The following EVC2 variants were observed in gnomAD, a reference collection of about 807,000 sequenced individuals.
EVC2 encodes the protein limbin.
EVC2 carries 148 observed loss-of-function variants against 149.3 expected under a neutral mutation model. That is an observed-to-expected ratio of 0.99 (90% CI 0.87 to 1.14). The LOEUF (loss-of-function observed/expected upper bound fraction) is 1.14. EVC2 is among the 50% of genes most tolerant of loss of function. The pLI is 0.00. For missense variants in EVC2, 1,854 were observed against 1,627.3 expected (o/e 1.14, Z -2.40); for synonymous variants, 776 against 649.9 (o/e 1.19, Z -2.95).
intron 7 of EVC2, among the ~76,000 whole-genome samples, chr4:5,672,885 C>T (rs1401530766): frequency 2.6e-5 from 4 of 152,258 alleles, no homozygotes; most frequent in South Asian, 4.1e-4. Flanking sequence ...AAGTGAAAGA[C>T]GCCAGACACA....
At chr4:5,704,004 C>G (rs1057137650) in intron 1 of EVC2, among the ~76,000 whole-genome samples, 1 of 152,040 alleles carries the variant, frequency 6.6e-6, no homozygotes, top group African/African-American at 2.4e-5. Context: ...CCAGGGTGTT[C>G]AAGGAACACA....
At chr4:5,643,066 T>C (rs950049684) in intron 9 of EVC2, among the ~76,000 whole-genome samples, 3 of 152,218 alleles carry the variant, frequency 2.0e-5, no homozygotes, top group African/African-American at 7.2e-5. Context: ...TACATGAATA[T>C]GTACATGCAT....
chr4:5,638,935 A>G (rs1717101643), intron 10 of EVC2, among the ~76,000 whole-genome samples: 1 of 152,118 alleles, frequency 6.6e-6, no homozygotes, highest in Non-Finnish European at 1.5e-5. Context: ...TAACAGAAAA[A>G]AATTCTGTTG....
chr4:5,629,701 C>A (rs555157691), intron 11 of EVC2, among the ~76,000 whole-genome samples: 21 of 152,224 alleles, frequency 1.4e-4, no homozygotes, highest in Non-Finnish European at 2.2e-4. Flanking sequence ...CAGTGAAAAG[C>A]TGCATGGCCA....
chr4:5,623,330 A>T (rs889334726), intron 13 of EVC2, among the ~76,000 whole-genome samples: 2 of 147,400 alleles, frequency 1.4e-5, no homozygotes, highest in African/African-American at 2.5e-5. Context: ...AATTTATTTT[A>T]TTTATTTATT....
intron 9 of EVC2, 97 bp downstream of exon 9, chr4:5,663,010 C>A: frequency 6.7e-7 from 1 of 1,499,014 alleles, no homozygotes; most frequent in South Asian, 1.1e-5. Context: ...AAATGATTAA[C>A]TGAATGAATG....
At chr4:5,620,027 C>T (rs1182306720) in intron 14 of EVC2, among the ~76,000 whole-genome samples, 1 of 152,136 alleles carries the variant, frequency 6.6e-6, no homozygotes, top group Non-Finnish European at 1.5e-5. Flanking sequence ...TGTGGATCTG[C>T]TAGAAAGGTC....
chr4:5,603,226 G>A (rs887755771), intron 16 of EVC2, among the ~76,000 whole-genome samples: 1 of 152,186 alleles, frequency 6.6e-6, no homozygotes, highest in African/African-American at 2.4e-5. Flanking sequence ...GCCAAGCTCA[G>A]GAATCTGAAT....
intron 1 of EVC2, among the ~76,000 whole-genome samples, chr4:5,706,836 A>C (rs1278301624): frequency 6.6e-6 from 1 of 152,122 alleles, no homozygotes; most frequent in Non-Finnish European, 1.5e-5. Context: ...GGGCACCTGA[A>C]TACAGGTGCT....
intron 10 of EVC2, among the ~76,000 whole-genome samples, chr4:5,635,795 C>A (rs1033247559): frequency 1.3e-5 from 2 of 152,166 alleles, no homozygotes; most frequent in Admixed American, 6.5e-5. Context: ...ATCTGCTGGG[C>A]CTCCTCTTTC....
intron 6 of EVC2, among the ~76,000 whole-genome samples, chr4:5,682,346 T>C (rs113170359): frequency 0.099 from 14,867 of 150,514 alleles, 996 homozygotes; most frequent in Non-Finnish European, 0.14. Flanking sequence ...AAAAATTAGC[T>C]GGGTGTGGTG....
At chr4:5,693,077 C>A (rs903600574) in intron 3 of EVC2, among the ~76,000 whole-genome samples, 1 of 152,120 alleles carries the variant, frequency 6.6e-6, no homozygotes, top group African/African-American at 2.4e-5. Context: ...CTGGCTTTCT[C>A]TTCTGACCTT....
chr4:5,584,767 C>T lies in EVC2; in HGVS notation c.2913G>A (p.Gln971=), dbSNP rs1406133869. ...CGGTCACCCGGGACGCCTTCTGGAA[C>T]TGCAGAGCAACAAGCGACTGTGCAA... ...GGFAQSLVAL[Q]FQKASRVTET... is the part of the protein sequence containing the mutation. The change falls in exon 17 of 22, where the codon CAG becomes CAA. Residue 971 remains glutamine, a synonymous_variant. Transcript: ENST00000344408. 6.2e-7 allele frequency: 1 copy of T among 1,614,198 alleles called. No homozygotes were observed.
At chr4:5,659,199 C>T (rs1020777588) in intron 9 of EVC2, among the ~76,000 whole-genome samples, 4 of 152,036 alleles carry the variant, frequency 2.6e-5, no homozygotes, top group Non-Finnish European at 2.9e-5. Flanking sequence ...TGGCATATTT[C>T]GAATCCCAGC....
At chr4:5,697,746 C>CTTT (rs748171113) in intron 1 of EVC2, 99 bp from the exon 2 acceptor site, 1,182 of 812,074 alleles carry the variant, frequency 1.5e-3, no homozygotes, top group Non-Finnish European at 1.8e-3. Flanking sequence ...AGGACATGCA[C>CTTT]TTTTTTTTTT....
intron 17 of EVC2, among the ~76,000 whole-genome samples, chr4:5,579,181 A>T (rs545378401): frequency 6.6e-6 from 1 of 152,154 alleles, no homozygotes; most frequent in South Asian, 2.1e-4. Flanking sequence ...TAGAGTAGGG[A>T]GAAAGGGAGG....
chr4:5,641,646 C>T (rs1717335748), intron 9 of EVC2, among the ~76,000 whole-genome samples: 3 of 151,804 alleles, frequency 2.0e-5, no homozygotes, highest in Admixed American at 2.0e-4. Context: ...CGAAGGAAAG[C>T]TACATAGAAA....
rs570798795 is a variant in EVC2, at chr4:5,706,748, G to A, written c.228+1538C>T. On this transcript the variant is annotated intron_variant, in intron 1 of 21. Coordinates refer to ENST00000344408, the MANE Select transcript of EVC2 (RefSeq NM_147127.5). ...CTATGCAAGACAGGCCCAGAGAGAC[G>A]GAAGAAGGCTGGTCCCATCAACAGC... 4.6e-5 allele frequency among the ~76,000 whole-genome samples: 7 copies of A among 152,210 alleles called. No homozygotes were observed. In the East Asian group the frequency reaches 1.4e-3, roughly 29 times the overall value.
Position 5,679,311 on chromosome 4 carries a change from C to T in EVC2, c.870+1949G>A, listed in dbSNP as rs35096316. Among the ~76,000 whole-genome samples the T allele has an allele frequency of 6.6e-6, 1 of 152,148 alleles. No homozygotes were observed. The highest frequency in any genetic ancestry group is 1.5e-5 in the Non-Finnish European group (1 of 68,028). On this transcript the variant is annotated intron_variant, in intron 7 of 21. Transcript: ENST00000344408. The surrounding 1 kb of genome is among the most constrained non-coding windows in gnomAD (Gnocchi z 5.1). ...AGTGCAGTGGCATGATCTCGGCTCA[C>T]TGCAACCTCCGCCTCCCAGGTTCAA...
Sources: gnomAD v4.1 joint callset for allele counts (sites outside exome capture counted in the v4.1 genomes callset) on GRCh38, gnomAD v4.1.1 for gene constraint, Gnocchi (gnomAD v3.1) non-coding constraint, MANE v1.5 for transcripts, NCBI Gene and HGNC (gene_info 2026-07-23, HGNC 2026-07-21) for gene names.